The following MMD2 variants were observed in gnomAD, a reference collection of about 807,000 sequenced individuals.
MMD2 encodes monocyte to macrophage differentiation associated 2, also known as monocyte to macrophage differentiation factor 2.
MMD2 carries 30 observed loss-of-function variants against 33.5 expected under a neutral mutation model. The ratio of observed to expected loss-of-function variants is 0.90; its 90% confidence interval spans 0.67 to 1.22. The LOEUF (loss-of-function observed/expected upper bound fraction) is 1.22. Ranked by LOEUF, MMD2 falls within the 50% of genes most tolerant of loss-of-function variation. MMD2 has a pLI of 0.00. For missense variants in MMD2, 364 were observed against 325.4 expected (o/e 1.12, Z -0.91); for synonymous variants, 129 against 123.0 (o/e 1.05, Z -0.32).
intron 1 of MMD2, among the ~76,000 whole-genome samples, chr7:4,956,983 T>C (rs1189748350): frequency 6.6e-6 from 1 of 151,500 alleles, no homozygotes; most frequent in Non-Finnish European, 1.5e-5. Flanking sequence ...TTGGGCAACA[T>C]GGCAAGACCC....
chr7:4,904,918 C>T (rs1784841744), downstream of MMD2, among the ~76,000 whole-genome samples: 1 of 152,194 alleles, frequency 6.6e-6, no homozygotes, highest in East Asian at 1.9e-4. Flanking sequence ...TGACAGGGAG[C>T]AGAGGGGAAG....
At chr7:4,942,563 G>A (rs961730432) in intron 1 of MMD2, among the ~76,000 whole-genome samples, 5 of 150,916 alleles carry the variant, frequency 3.3e-5, no homozygotes, top group South Asian at 2.1e-4. Flanking sequence ...CCATACACCC[G>A]GCCCTAGGAG....
chr7:4,921,605 A>G, intron 2 of MMD2, among the ~76,000 whole-genome samples: 1 of 145,520 alleles, frequency 6.9e-6, no homozygotes, highest in East Asian at 2.0e-4. Flanking sequence ...TGGGCGACAG[A>G]GCAAGACTCT....
intron 3 of MMD2, among the ~76,000 whole-genome samples, chr7:4,918,484 T>A (rs1244401794): frequency 5.9e-5 from 3 of 50,632 alleles, no homozygotes; most frequent in Admixed American, 5.2e-4. Flanking sequence ...TCTTTCTTTC[T>A]TTTTTTTTTT....
chr7:4,941,499 G>C (rs1048545220), intron 1 of MMD2, among the ~76,000 whole-genome samples: 1 of 151,938 alleles, frequency 6.6e-6, no homozygotes, highest in East Asian at 2.0e-4. Context: ...GCGTGGTGGC[G>C]GGTGCCTGTA....
At chr7:4,925,702 T>C (rs67781197) in intron 1 of MMD2, among the ~76,000 whole-genome samples, 170 bp from the exon 2 acceptor site, 24,626 of 152,130 alleles carry the variant, frequency 0.16, 2,100 homozygotes, top group East Asian at 0.29. Context: ...TCCCTCACTC[T>C]TTCCGATCAT....
intron 1 of MMD2, among the ~76,000 whole-genome samples, chr7:4,942,956 G>A (rs1423333378): frequency 6.8e-6 from 1 of 148,080 alleles, no homozygotes; most frequent in Non-Finnish European, 1.5e-5. Flanking sequence ...ATCCCAGCCA[G>A]TGACCCCTTA....
chr7:4,948,808 T>C (rs1786160974), intron 1 of MMD2, among the ~76,000 whole-genome samples: 1 of 152,156 alleles, frequency 6.6e-6, no homozygotes, highest in East Asian at 1.9e-4. Context: ...CTTTCCAAAA[T>C]TCTTTTTAGG....
chr7:4,944,745 C>T lies in MMD2; in HGVS notation c.47+14226G>A, dbSNP rs142343486. Among the ~76,000 whole-genome samples the T allele has an allele frequency of 3.1e-3, 409 of 131,476 alleles. 3 individuals carry two copies. Among genetic ancestry groups the T allele is most frequent in the African/African-American group, 0.012 (398 of 32,546 alleles). The allele number at this position is 131,476 out of a possible 152,430, so 86.3% of individuals were successfully genotyped here. A position where few individuals can be genotyped will look rare whatever the true frequency, so the allele number is the denominator to read the frequency against. On this transcript the variant is annotated intron_variant, in intron 1 of 6. Transcript: ENST00000401401. The stretch of plus-strand genomic sequence containing the variant: ...ATTCCTTTTTTTCTTTTTTCTCTTT[C>T]TTCTTCTTCTTCTTCTTTTTTTTTT...
chr7:4,893,078 C>G, the MMD2 span, among the ~76,000 whole-genome samples: 2 of 152,124 alleles, frequency 1.3e-5, no homozygotes, highest in East Asian at 3.9e-4. Flanking sequence ...ACTCGTCTTG[C>G]TGTAAGAGGA....
At chr7:4,944,650 A>G (rs1786001161) in intron 1 of MMD2, among the ~76,000 whole-genome samples, 1 of 152,092 alleles carries the variant, frequency 6.6e-6, no homozygotes, top group African/African-American at 2.4e-5. Context: ...CAAGAATAGC[A>G]GAGAGACAGT....
chr7:4,903,411 G>C (rs1229245268), downstream of MMD2, among the ~76,000 whole-genome samples: 1 of 150,688 alleles, frequency 6.6e-6, no homozygotes, highest in Non-Finnish European at 1.5e-5. Context: ...ACCCTCAAGC[G>C]CTATCCTATG....
Position 4,948,671 on chromosome 7 carries a change from G to A in MMD2, c.47+10300C>T, listed in dbSNP as rs918984656. The stretch of plus-strand genomic sequence containing the variant: ...AGTGCCCTTAGAAGAAGAGGCCAGA[G>A]AGCTCTTACTGCCAAGTCTATAAGA... On this transcript the variant is annotated intron_variant, in intron 1 of 6. Transcript: ENST00000401401. Among the ~76,000 whole-genome samples, 4 of 152,316 alleles carry A rather than the reference G, an allele frequency of 2.6e-5. No homozygotes were observed. The East Asian group carries it at 7.7e-4, about 29-fold the overall frequency.
the MMD2 span, among the ~76,000 whole-genome samples, chr7:4,896,540 C>T: frequency 6.6e-6 from 1 of 152,140 alleles, no homozygotes; most frequent in Non-Finnish European, 1.5e-5. Context: ...GGTCCCTAGC[C>T]AGCCACCAGC....
chr7:4,941,141 G>A (rs952772523), intron 1 of MMD2, among the ~76,000 whole-genome samples: 2 of 152,076 alleles, frequency 1.3e-5, no homozygotes, highest in Non-Finnish European at 2.9e-5. Context: ...CTCCTGGGTC[G>A]GCCTCTGTGA....
chr7:4,913,095 A>G (rs993520868), intron 4 of MMD2, among the ~76,000 whole-genome samples: 2 of 152,180 alleles, frequency 1.3e-5, no homozygotes, highest in Non-Finnish European at 2.9e-5. Context: ...GAATTTAAGT[A>G]ACACCGAAAA....
chr7:4,912,747 C>T (rs973889681), intron 4 of MMD2, among the ~76,000 whole-genome samples: 1 of 151,924 alleles, frequency 6.6e-6, no homozygotes, highest in African/African-American at 2.4e-5. Flanking sequence ...GCTCTGTCAC[C>T]CAGGCTAAAG....
At position 4,926,674 on chromosome 7, in the gene MMD2, C is replaced by T. The variant is rs556157062; in HGVS notation, c.48-1142G>A. The stretch of plus-strand genomic sequence containing the variant: ...GAACACGCTGTTTTCTGTCTGGCTT[C>T]TTTTGCTTAACGTGATTTTTGCGAG... On this transcript the variant is annotated intron_variant, in intron 1 of 6. Transcript: ENST00000401401. 7.2e-4 allele frequency among the ~76,000 whole-genome samples: 110 copies of T among 152,276 alleles called. No homozygotes were observed. The Middle Eastern group carries it at 0.017, about 24-fold the overall frequency.
intron 5 of MMD2, 31 bp from the exon 6 acceptor site, chr7:4,909,981 G>A: frequency 1.9e-6 from 3 of 1,613,946 alleles, no homozygotes; most frequent in Non-Finnish European, 1.7e-6. Flanking sequence ...GCCGGCCTTA[G>A]GACATGCCTC....
Sources: allele counts gnomAD v4.1 joint callset (sites outside exome capture counted in the v4.1 genomes callset), GRCh38; gene constraint gnomAD v4.1.1; transcripts MANE v1.5; gene names NCBI Gene and HGNC (gene_info 2026-07-23, HGNC 2026-07-21).